AOPEP: variants seen among roughly 807,000 people sequenced by gnomAD.
AOPEP encodes the protein aminopeptidase O (putative).
Under a neutral mutation model 98.1 loss-of-function variants are expected in AOPEP, and 77 were observed. That is an observed-to-expected ratio of 0.78 (90% CI 0.65 to 0.95). AOPEP has a LOEUF of 0.95. AOPEP is among the 40% of genes least tolerant of loss of function. The pLI is 0.00. For synonymous variants in AOPEP, 346 were observed against 365.3 expected, an observed-to-expected ratio of 0.95 and a Z score of 0.60; for missense variants, 1,024 against 1,024.7, an observed-to-expected ratio of 1.00 and a Z score of 0.01.
At chr9:94,743,508 C>T (rs1448139295) in intron 1 of AOPEP, among the ~76,000 whole-genome samples, 2 of 152,172 alleles carry the variant, frequency 1.3e-5, no homozygotes, top group Non-Finnish European at 2.9e-5. Context: ...ACCTTCTGGT[C>T]AGAAAAGTTT....
intron 13 of AOPEP, among the ~76,000 whole-genome samples, chr9:95,059,763 G>A (rs2067162514): frequency 6.6e-6 from 1 of 152,156 alleles, no homozygotes; most frequent in Non-Finnish European, 1.5e-5. Context: ...GGGATGGAGA[G>A]AAGCTCAGCA....
intron 14 of AOPEP, among the ~76,000 whole-genome samples, chr9:95,068,778 T>C (rs907109538): frequency 3.2e-4 from 48 of 152,220 alleles, no homozygotes; most frequent in African/African-American, 1.2e-3. Flanking sequence ...CCTGTTTCTC[T>C]AGCTCTTGAA....
intron 13 of AOPEP, among the ~76,000 whole-genome samples, chr9:95,052,898 A>G (rs2066504931): frequency 6.6e-6 from 1 of 152,218 alleles, no homozygotes; most frequent in South Asian, 2.1e-4. Flanking sequence ...GGAAAATTTT[A>G]AATTCTTCCA....
chr9:94,960,096 T>A (rs2058713938), intron 9 of AOPEP, among the ~76,000 whole-genome samples: 1 of 152,206 alleles, frequency 6.6e-6, no homozygotes, highest in African/African-American at 2.4e-5. Flanking sequence ...GTAGAAAACA[T>A]CAGTTTATTC....
At chr9:95,106,644 A>T in the AOPEP span, among the ~76,000 whole-genome samples, 1 of 152,182 alleles carries the variant, frequency 6.6e-6, no homozygotes, top group African/African-American at 2.4e-5. Flanking sequence ...CAATTTTTTT[A>T]AAGATTAACA....
intron 3 of AOPEP, among the ~76,000 whole-genome samples, chr9:94,786,025 A>T (rs1844351414): frequency 6.6e-6 from 1 of 152,302 alleles, no homozygotes; most frequent in South Asian, 2.1e-4. Flanking sequence ...TTCAGTACAC[A>T]TGTGGCAGCC....
chr9:94,842,013 G>T (rs1234217974), intron 5 of AOPEP, among the ~76,000 whole-genome samples: 1 of 152,032 alleles, frequency 6.6e-6, no homozygotes, highest in Non-Finnish European at 1.5e-5. Context: ...TGGTTGTGCC[G>T]CTGAACTCCA....
intron 3 of AOPEP, among the ~76,000 whole-genome samples, chr9:94,778,857 G>A (rs1372722699): frequency 2.0e-5 from 3 of 151,950 alleles, no homozygotes; most frequent in East Asian, 1.9e-4. Context: ...GTGAAACCCC[G>A]TCTCTACAAA....
At chr9:94,828,108 A>T (rs1434495385) in intron 5 of AOPEP, among the ~76,000 whole-genome samples, 2 of 152,158 alleles carry the variant, frequency 1.3e-5, no homozygotes, top group Non-Finnish European at 2.9e-5. Context: ...ATATTTTTAT[A>T]GGAGGCGTGG....
chr9:94,980,187 C>G lies in AOPEP; in HGVS notation c.1977+760C>G, dbSNP rs1439892025. ...AGAGACCATTGGACAGCCCAGGCCC[C>G]TTCGCCAAATCAAATGCTGGCCATG... On this transcript the variant is annotated intron_variant, in intron 11 of 16. Coordinates refer to ENST00000375315, the MANE Select transcript of AOPEP (RefSeq NM_001193329.3). This position sits in a 1 kb window ranked among gnomAD's most constrained non-coding sequence, Gnocchi z 4.3. Among the ~76,000 whole-genome samples the G allele has an allele frequency of 1.3e-5, 2 of 152,254 alleles. No individual in the cohort carries two copies. The highest frequency in any genetic ancestry group is 4.8e-5 in the African/African-American group (2 of 41,468).
intron 2 of AOPEP, among the ~76,000 whole-genome samples, chr9:94,765,634 T>C (rs1484249357): frequency 6.6e-6 from 1 of 151,636 alleles, no homozygotes; most frequent in Non-Finnish European, 1.5e-5. Flanking sequence ...AACTTCAAAT[T>C]TGGAGATTTC....
intron 5 of AOPEP, among the ~76,000 whole-genome samples, chr9:94,812,380 T>A (rs1850799042): frequency 6.6e-6 from 1 of 152,054 alleles, no homozygotes; most frequent in Non-Finnish European, 1.5e-5. Flanking sequence ...TGCCAACCTG[T>A]CCTCCCCAGA....
At chr9:95,076,234 C>T (rs1304605205) in intron 14 of AOPEP, among the ~76,000 whole-genome samples, 8 of 152,188 alleles carry the variant, frequency 5.3e-5, no homozygotes, top group Admixed American at 4.6e-4. Flanking sequence ...TGGGGTCTCA[C>T]GTCGATTTTG....
rs71366268 is a variant in AOPEP, at chr9:94,885,348, C to CAA, written c.1365-38597_1365-38596dup. On this transcript the variant is annotated intron_variant, in intron 5 of 16. Transcript: ENST00000375315. ...TGGGTGACAGAGTGAGATCCTGTCT[C>CAA]AAAAAAAAAAAAAAAAAAAAAAAAA... is the stretch of plus-strand genomic sequence containing the variant. Among the ~76,000 whole-genome samples the CAA allele has an allele frequency of 6.6e-3, 236 of 35,992 alleles. 60 individuals carry two copies. Among genetic ancestry groups the CAA allele is most frequent in the Admixed American group, 0.01 (17 of 1,622 alleles). The allele number at this position is 35,992 out of a possible 152,430, so 23.6% of individuals were successfully genotyped here. A position where few individuals can be genotyped will look rare whatever the true frequency, so the allele number is the denominator to read the frequency against.
At chr9:94,983,262 A>G (rs1056438043) in intron 11 of AOPEP, among the ~76,000 whole-genome samples, 2 of 152,042 alleles carry the variant, frequency 1.3e-5, no homozygotes, top group Non-Finnish European at 2.9e-5. Context: ...TGACCTCATG[A>G]TCCGCCTGCC....
chr9:95,123,379 C>T, the AOPEP span: 1 of 429,108 alleles, frequency 2.3e-6, no homozygotes, highest in Non-Finnish European at 4.6e-6. Flanking sequence ...GTGGCTCACA[C>T]CTGTAACCCC....
the AOPEP span, chr9:95,101,526 G>A: frequency 1.4e-6 from 1 of 736,854 alleles, no homozygotes. Flanking sequence ...TGGGCTGAGG[G>A]ACCTGGCTCT....
the AOPEP span, among the ~76,000 whole-genome samples, chr9:95,148,700 CATA>C: frequency 6.6e-6 from 1 of 152,202 alleles, no homozygotes; most frequent in African/African-American, 2.4e-5. Flanking sequence ...ATGAACCATG[CATA>C]ATGCTACAAA....
intron 7 of AOPEP, among the ~76,000 whole-genome samples, chr9:94,941,770 C>A (rs1031404647): frequency 1.9e-4 from 29 of 152,184 alleles, no homozygotes; most frequent in African/African-American, 7.0e-4. Flanking sequence ...CCCCTAATTA[C>A]ATATTTACAG....
Sources: allele counts gnomAD v4.1 joint callset (sites outside exome capture counted in the v4.1 genomes callset), GRCh38; gene constraint gnomAD v4.1.1; non-coding constraint Gnocchi (gnomAD v3.1); transcripts MANE v1.5; gene names NCBI Gene and HGNC (gene_info 2026-07-23, HGNC 2026-07-21).